STX18: variants seen among roughly 807,000 people sequenced by gnomAD.
STX18 encodes the protein syntaxin-18.
STX18 carries 40 observed loss-of-function variants against 50.1 expected under a neutral mutation model. That is an observed-to-expected ratio of 0.80 (90% CI 0.62 to 1.04). The LOEUF (loss-of-function observed/expected upper bound fraction) is 1.04. Among genes scored for constraint, STX18 ranks in the 50% least tolerant of loss-of-function variants. The pLI is 0.00. For missense variants in STX18, 410 were observed against 415.8 expected (o/e 0.99, Z 0.12); for synonymous variants, 158 against 151.8 (o/e 1.04, Z -0.30).
intron 1 of STX18, among the ~76,000 whole-genome samples, chr4:4,472,127 T>C (rs953178282): frequency 2.0e-5 from 3 of 152,218 alleles, no homozygotes; most frequent in Non-Finnish European, 2.9e-5. Flanking sequence ...ATAGGGCCCA[T>C]GCAGAGCAGC....
At chr4:4,459,068 A>G (rs1169785334) in intron 3 of STX18, among the ~76,000 whole-genome samples, 9 of 150,744 alleles carry the variant, frequency 6.0e-5, no homozygotes, top group African/African-American at 1.7e-4. Context: ...ACACGCACAC[A>G]CACACACACA....
intron 1 of STX18, among the ~76,000 whole-genome samples, chr4:4,537,159 T>C (rs1467735069): frequency 5.3e-5 from 8 of 152,132 alleles, no homozygotes; most frequent in African/African-American, 1.9e-4. Context: ...AGTAAGAGAA[T>C]AGAAGAGCTG....
At chr4:4,451,772 C>T (rs951845057) in intron 5 of STX18, among the ~76,000 whole-genome samples, 14 of 152,144 alleles carry the variant, frequency 9.2e-5, no homozygotes, top group Non-Finnish European at 1.6e-4. Context: ...TCCCTCTCCT[C>T]GGGCCGTCCT....
intron 7 of STX18, among the ~76,000 whole-genome samples, chr4:4,429,852 C>T (rs1455647113): frequency 2.0e-5 from 3 of 152,208 alleles, no homozygotes; most frequent in Non-Finnish European, 4.4e-5. Context: ...GGAGTTTCTA[C>T]AGGCCTACCT....
chr4:4,502,689 G>A (rs1729511788), intron 1 of STX18, among the ~76,000 whole-genome samples: 2 of 152,158 alleles, frequency 1.3e-5, no homozygotes, highest in South Asian at 2.1e-4. Flanking sequence ...TCCACACAAC[G>A]GAGGGATGGG....
chr4:4,445,574 G>C (rs1464018906), intron 5 of STX18, among the ~76,000 whole-genome samples: 1 of 151,602 alleles, frequency 6.6e-6, no homozygotes, highest in Non-Finnish European at 1.5e-5. Flanking sequence ...TAACAAAATG[G>C]TATCGTTTAC....
At chr4:4,471,584 T>C (rs1037374210) in intron 2 of STX18, 55 bp downstream of exon 2, 31 of 1,194,672 alleles carry the variant, frequency 2.6e-5, no homozygotes, top group East Asian at 7.7e-5. Context: ...AAAAGAAATA[T>C]AGGTGTAGAA....
intron 1 of STX18, among the ~76,000 whole-genome samples, chr4:4,516,482 C>G (rs750447724): frequency 3.3e-5 from 5 of 152,062 alleles, no homozygotes; most frequent in Non-Finnish European, 7.4e-5. Flanking sequence ...AAAATTATGC[C>G]TCTTTTCCGA....
intron 1 of STX18, among the ~76,000 whole-genome samples, chr4:4,513,932 A>G (rs1730121115): frequency 2.0e-5 from 3 of 152,160 alleles, no homozygotes; most frequent in African/African-American, 7.2e-5. Context: ...GGGTGTGATA[A>G]AGACACTGAC....
chr4:4,440,837 GAAACA>G (rs1332417510), intron 5 of STX18, among the ~76,000 whole-genome samples: 7 of 152,148 alleles, frequency 4.6e-5, no homozygotes, highest in Non-Finnish European at 8.8e-5. Context: ...TTAGTGCCTT[GAAACA>G]GTGAGATTTA....
chr4:4,508,008 G>T (rs1343423785), intron 1 of STX18, among the ~76,000 whole-genome samples: 1 of 152,010 alleles, frequency 6.6e-6, no homozygotes, highest in Non-Finnish European at 1.5e-5. Context: ...AAAAGTAAAA[G>T]GTATTCTGAG....
intron 1 of STX18, among the ~76,000 whole-genome samples, chr4:4,534,831 G>C (rs1731257838): frequency 6.6e-6 from 1 of 152,236 alleles, no homozygotes; most frequent in African/African-American, 2.4e-5. Flanking sequence ...AGCATTCTTG[G>C]CCTATATTTA....
intron 1 of STX18, among the ~76,000 whole-genome samples, chr4:4,501,921 A>G (rs1279057695): frequency 1.3e-5 from 2 of 152,238 alleles, no homozygotes; most frequent in African/African-American, 2.4e-5. Context: ...ATGCTATATT[A>G]AAGATAAGGT....
intron 5 of STX18, among the ~76,000 whole-genome samples, chr4:4,439,277 CACACACACATATAT>C (rs144056623): frequency 0.072 from 9,761 of 134,692 alleles, 1,082 homozygotes; most frequent in African/African-American, 0.28. Flanking sequence ...CCCACATAAA[CACACACACATATAT>C]ACACACACAT....
At chr4:4,421,907 G>C (rs934884012) in intron 9 of STX18, among the ~76,000 whole-genome samples, 3 of 152,138 alleles carry the variant, frequency 2.0e-5, no homozygotes, top group Non-Finnish European at 4.4e-5. Context: ...GGATAACACA[G>C]GGGGCGTCTG....
At chr4:4,486,419 A>G (rs1577366177) in intron 1 of STX18, among the ~76,000 whole-genome samples, 1 of 152,258 alleles carries the variant, frequency 6.6e-6, no homozygotes, top group South Asian at 2.1e-4. Context: ...ACAATTCATA[A>G]CAGACAACGA....
At chr4:4,482,737 T>C (rs1048847224) in intron 1 of STX18, among the ~76,000 whole-genome samples, 5 of 152,190 alleles carry the variant, frequency 3.3e-5, no homozygotes, top group African/African-American at 1.2e-4. Flanking sequence ...ATCACTCAAC[T>C]TCTACTCAAA....
chr4:4,496,362 C>T (rs1729168247), intron 1 of STX18, among the ~76,000 whole-genome samples: 1 of 152,132 alleles, frequency 6.6e-6, no homozygotes, highest in Non-Finnish European at 1.5e-5. Flanking sequence ...ATGAGAACAA[C>T]CTCACAGCTG....
At chr4:4,477,390 T>C (rs747408167) in intron 1 of STX18, among the ~76,000 whole-genome samples, 12 of 152,228 alleles carry the variant, frequency 7.9e-5, no homozygotes, top group Non-Finnish European at 1.6e-4. Flanking sequence ...CTGGCTACTT[T>C]ATTTCTAAGT....
Sources: allele counts gnomAD v4.1 joint callset (sites outside exome capture counted in the v4.1 genomes callset), GRCh38; gene constraint gnomAD v4.1.1; transcripts MANE v1.5; gene names NCBI Gene and HGNC (gene_info 2026-07-23, HGNC 2026-07-21).